MRTFA: variants seen among roughly 807,000 people sequenced by gnomAD.
MRTFA encodes myocardin related transcription factor A, also known as myocardin-related transcription factor A.
Under a neutral mutation model 83.5 loss-of-function variants are expected in MRTFA, and 20 were observed. The observed-to-expected ratio is 0.24, with a 90% CI of 0.17 to 0.35. MRTFA has a LOEUF of 0.35. MRTFA is among the 10% of genes least tolerant of loss of function. The pLI is 1.00. For missense variants in MRTFA, 1,200 were observed against 1,224.7 expected, an observed-to-expected ratio of 0.98 and a Z score of 0.30; for synonymous variants, 659 against 541.2, an observed-to-expected ratio of 1.22 and a Z score of -3.02.
intron 2 of MRTFA, among the ~76,000 whole-genome samples, chr22:40,585,442 G>T (rs2056014019): frequency 6.6e-6 from 1 of 152,084 alleles, no homozygotes; most frequent in South Asian, 2.1e-4. Context: ...TGTTTAATGG[G>T]TGTAGAGTTT....
Position 40,440,067 on chromosome 22 carries a change from G to A in MRTFA, c.308-4513C>T, listed in dbSNP as rs546398137. ...CTCGGGAGGCTGAGGCACAACAATC[G>A]CTTGAAACTGGGAGGCGGAGGTTGC... On this transcript the variant is annotated intron_variant, in intron 4 of 14. Coordinates refer to ENST00000355630, the MANE Select transcript of MRTFA (RefSeq NM_020831.6). The A allele has an allele frequency of 1.0e-4, 15 of 150,564 alleles. No individual in the cohort carries two copies. The South Asian group carries it at 1.8e-3, about 18-fold the overall frequency. The allele number at this position is 150,564 out of a possible 1,614,324, so 9.3% of individuals were successfully genotyped here.
chr22:40,434,680 C>A (rs142370118), intron 5 of MRTFA, among the ~76,000 whole-genome samples: 77 of 152,262 alleles, frequency 5.1e-4, no homozygotes, highest in African/African-American at 1.8e-3. Context: ...TGAGATCACG[C>A]CACTGCACTC....
At chr22:40,546,405 G>A (rs373174055) in intron 3 of MRTFA, among the ~76,000 whole-genome samples, 25 of 152,162 alleles carry the variant, frequency 1.6e-4, no homozygotes, top group African/African-American at 5.1e-4. Context: ...TTAAAAAGCC[G>A]GAAAAAGGTA....
chr22:40,594,764 C>A (rs1450574816), intron 1 of MRTFA, 29 bp from the exon 2 acceptor site: 2 of 151,902 alleles, frequency 1.3e-5, no homozygotes, highest in East Asian at 3.9e-4. Flanking sequence ...AATAAAAGTT[C>A]ATGCAATATA....
intron 2 of MRTFA, among the ~76,000 whole-genome samples, chr22:40,571,909 G>C (rs1171841639): frequency 2.9e-5 from 3 of 104,912 alleles, no homozygotes; most frequent in African/African-American, 1.2e-4. Context: ...GGGCGACAGA[G>C]CAAGACTCTG....
intron 4 of MRTFA, among the ~76,000 whole-genome samples, chr22:40,448,849 A>G (rs1268443525): frequency 2.0e-5 from 3 of 152,208 alleles, no homozygotes; most frequent in African/African-American, 2.4e-5. Context: ...GACCAGCGAT[A>G]TGGTACAAAG....
intron 3 of MRTFA, among the ~76,000 whole-genome samples, chr22:40,511,477 C>A (rs2054666995): frequency 6.6e-6 from 1 of 152,186 alleles, no homozygotes; most frequent in Non-Finnish European, 1.5e-5. Flanking sequence ...GATATAGATA[C>A]ATATACACGT....
intron 3 of MRTFA, among the ~76,000 whole-genome samples, chr22:40,526,872 G>A (rs2054983571): frequency 1.3e-5 from 2 of 152,102 alleles, no homozygotes; most frequent in African/African-American, 4.8e-5. Flanking sequence ...GGCAGAGGTG[G>A]GAGGACTGCT....
chr22:40,480,653 AG>A (rs1342063107), intron 3 of MRTFA, among the ~76,000 whole-genome samples: 1 of 151,710 alleles, frequency 6.6e-6, no homozygotes, highest in Non-Finnish European at 1.5e-5. Flanking sequence ...TCACATCTAA[AG>A]GTTATTCAGG....
intron 3 of MRTFA, among the ~76,000 whole-genome samples, chr22:40,470,264 T>TATATATATATAC (rs2147165508): frequency 1.2e-5 from 1 of 80,598 alleles, no homozygotes; most frequent in African/African-American, 4.3e-5. Context: ...TATATATATA[T>TATATATATATAC]ATATATATAT....
intron 3 of MRTFA, chr22:40,533,618 A>G (rs966367488): frequency 2.1e-5 from 26 of 1,228,350 alleles, no homozygotes; most frequent in Non-Finnish European, 2.6e-5. Context: ...TTAACATCTC[A>G]GGTTCCAGTA....
chr22:40,453,359 C>T (rs979500144), intron 4 of MRTFA, among the ~76,000 whole-genome samples: 1 of 152,206 alleles, frequency 6.6e-6, no homozygotes, highest in Non-Finnish European at 1.5e-5. Context: ...TATCCTGCAA[C>T]TGAGCTCTGA....
chr22:40,584,844 G>A (rs1340299589), intron 2 of MRTFA, among the ~76,000 whole-genome samples: 1 of 151,800 alleles, frequency 6.6e-6, no homozygotes. Context: ...AGGAGTTTAG[G>A]ACCGGCCTAG....
intron 3 of MRTFA, among the ~76,000 whole-genome samples, chr22:40,527,161 T>C (rs1318635903): frequency 6.8e-6 from 1 of 147,974 alleles, no homozygotes; most frequent in Non-Finnish European, 1.5e-5. Context: ...CACACACAAA[T>C]ACTTTTAAAT....
chr22:40,581,849 C>G (rs1307949620), intron 2 of MRTFA, among the ~76,000 whole-genome samples: 2 of 152,052 alleles, frequency 1.3e-5, no homozygotes, highest in Non-Finnish European at 2.9e-5. Flanking sequence ...TAGCTCTACT[C>G]AGCAAAAAAG....
chr22:40,621,693 A>G (rs1417861763), intron 1 of MRTFA, among the ~76,000 whole-genome samples: 3 of 152,216 alleles, frequency 2.0e-5, no homozygotes, highest in Non-Finnish European at 4.4e-5. Flanking sequence ...AGAAAAAGGA[A>G]GGATAACTAT....
Position 40,429,700 on chromosome 22 carries a change from G to A in MRTFA, c.507C>T (p.Asp169=). 1 of 1,614,134 alleles carries A rather than the reference G, an allele frequency of 6.2e-7. No homozygotes were observed. The highest frequency in any genetic ancestry group is 1.3e-5 in the African/African-American group (1 of 75,030). The change falls in exon 7 of 15, where the codon GAC becomes GAT. Residue 169 remains aspartate (D), a synonymous_variant. Coordinates refer to ENST00000355630, the MANE Select transcript of MRTFA (RefSeq NM_020831.6). Reference sequence around the variant, plus strand: ...GCCTCTGTGCAATCTTCTCATTGAGGTCATCGGCTAGTCTGGCTCTCTTCA... The same window carrying A: ...GCCTCTGTGCAATCTTCTCATTGAGATCATCGGCTAGTCTGGCTCTCTTCA...
rs1289712455 is a variant in MRTFA, at chr22:40,597,498, C to T, written c.-83-2763G>A. On this transcript the variant is annotated intron_variant, in intron 1 of 14. Coordinates refer to ENST00000355630, the MANE Select transcript of MRTFA (RefSeq NM_020831.6). ...GATCTTTCTTACTAAAACGGTGCCA[C>T]AGCTTTGTATGTAGAGTAGCTAAAG... is the stretch of plus-strand genomic sequence containing the variant. 3.3e-5 allele frequency among the ~76,000 whole-genome samples: 5 copies of T among 152,208 alleles called. No individual in the cohort carries two copies. In the South Asian group the frequency reaches 6.2e-4, roughly 19 times the overall value.
intron 3 of MRTFA, among the ~76,000 whole-genome samples, chr22:40,539,017 C>G (rs1375893796): frequency 1.0e-5 from 1 of 96,494 alleles, no homozygotes; most frequent in African/African-American, 4.2e-5. Context: ...TTTTTTGAGA[C>G]AAAGTCTCAC....
Sources: gnomAD v4.1 joint callset for allele counts (sites outside exome capture counted in the v4.1 genomes callset) on GRCh38, gnomAD v4.1.1 for gene constraint, MANE v1.5 for transcripts, NCBI Gene and HGNC (gene_info 2026-07-23, HGNC 2026-07-21) for gene names.